EFNA5: variants seen among roughly 807,000 people sequenced by gnomAD.
EFNA5 encodes ephrin-A5.
In EFNA5, 5 loss-of-function variants were observed where a neutral mutation model predicts 22.9. The ratio of observed to expected loss-of-function variants is 0.22; its 90% CI spans 0.11 to 0.46. The LOEUF (loss-of-function observed/expected upper bound fraction) is 0.46. EFNA5 is among the 20% of genes least tolerant of loss of function. The pLI is 0.99. For synonymous variants in EFNA5, 113 were observed against 112.2 expected (o/e 1.01, Z -0.04); for missense variants, 237 against 293.3 (o/e 0.81, Z 1.40).
intron 1 of EFNA5, among the ~76,000 whole-genome samples, chr5:107,448,866 T>TAAATAAAATAAAATAAAATA (rs74535160): frequency 2.1e-5 from 3 of 141,376 alleles, no homozygotes; most frequent in African/African-American, 8.0e-5. Flanking sequence ...AATAAATAAA[T>TAAATAAAATAAAATAAAATA]AAATAAAATA....
At chr5:107,475,608 A>G (rs2112391019) in intron 1 of EFNA5, among the ~76,000 whole-genome samples, 1 of 152,292 alleles carries the variant, frequency 6.6e-6, no homozygotes, top group Non-Finnish European at 1.5e-5. Context: ...AATCTGCTGC[A>G]TTGCTAAAGG....
At chr5:107,499,026 C>T (rs1747065397) in intron 1 of EFNA5, among the ~76,000 whole-genome samples, 1 of 151,404 alleles carries the variant, frequency 6.6e-6, no homozygotes, top group African/African-American at 2.4e-5. Context: ...ATTTCTTTTA[C>T]TGTGAGATTT....
chr5:107,537,260 G>A (rs1040925673), intron 1 of EFNA5, among the ~76,000 whole-genome samples: 28 of 152,032 alleles, frequency 1.8e-4, no homozygotes, highest in African/African-American at 6.0e-4. Context: ...TTGGGAGGCC[G>A]AGGTGGGTGG....
intron 1 of EFNA5, among the ~76,000 whole-genome samples, chr5:107,532,310 A>T (rs189542048): frequency 6.6e-6 from 1 of 152,368 alleles, no homozygotes; most frequent in Admixed American, 6.5e-5. Flanking sequence ...AGGTAAAGTC[A>T]GTCTGGCCCT....
intron 1 of EFNA5, among the ~76,000 whole-genome samples, chr5:107,633,398 A>T (rs115856987): frequency 0.021 from 3,166 of 152,298 alleles, 40 homozygotes; most frequent in Middle Eastern, 0.031. Context: ...TCCTGACAAG[A>T]TGCCAAGTAA....
At chr5:107,536,291 C>A (rs926615938) in intron 1 of EFNA5, among the ~76,000 whole-genome samples, 1 of 151,874 alleles carries the variant, frequency 6.6e-6, no homozygotes, top group African/African-American at 2.4e-5. Context: ...ACAGGCCGAC[C>A]CTCTACACAG....
At chr5:107,641,341 G>C (rs1431343406) in intron 1 of EFNA5, among the ~76,000 whole-genome samples, 1 of 136,766 alleles carries the variant, frequency 7.3e-6, no homozygotes, top group African/African-American at 2.7e-5. Flanking sequence ...CTGGGCAACA[G>C]AGTGAGACTC....
chr5:107,554,448 T>C lies in EFNA5; in HGVS notation c.125+116041A>G, dbSNP rs536501467. Reference sequence around the variant, plus strand: ...TGGTGATTCTTCTATGACACTGATATGGGAAAAATTAATATTTGCATAATA... The same window carrying C: ...TGGTGATTCTTCTATGACACTGATACGGGAAAAATTAATATTTGCATAATA... On this transcript the variant is annotated intron_variant, in intron 1 of 4. Transcript: ENST00000333274. 2.0e-4 allele frequency among the ~76,000 whole-genome samples: 30 copies of C among 152,284 alleles called. 1 individual carries two copies. In the South Asian group the frequency reaches 4.4e-3, roughly 22 times the overall value.
chr5:107,661,180 A>C, intron 1 of EFNA5, among the ~76,000 whole-genome samples: 1 of 151,972 alleles, frequency 6.6e-6, no homozygotes, highest in East Asian at 1.9e-4. Flanking sequence ...GCAGGCAAAC[A>C]CTTTGCTGCA....
At chr5:107,636,772 G>A (rs1008492121) in intron 1 of EFNA5, among the ~76,000 whole-genome samples, 2 of 152,176 alleles carry the variant, frequency 1.3e-5, no homozygotes, top group Admixed American at 6.5e-5. Flanking sequence ...AAGGGAAAGA[G>A]TGAAACATGG....
chr5:107,568,254 C>T (rs914080241), intron 1 of EFNA5, among the ~76,000 whole-genome samples: 7 of 152,070 alleles, frequency 4.6e-5, no homozygotes, highest in East Asian at 1.9e-4. Context: ...CATATATACC[C>T]CGTAGCTATC....
intron 1 of EFNA5, among the ~76,000 whole-genome samples, chr5:107,475,321 AC>A (rs1439278282): frequency 6.6e-6 from 1 of 152,198 alleles, no homozygotes; most frequent in African/African-American, 2.4e-5. Context: ...CTTCACACTT[AC>A]CCAGCTATCA....
chr5:107,453,317 G>A (rs568627517), intron 1 of EFNA5, among the ~76,000 whole-genome samples: 6 of 152,036 alleles, frequency 3.9e-5, no homozygotes, highest in Non-Finnish European at 7.4e-5. Context: ...ATGACCACCA[G>A]AATAATATAA....
At chr5:107,560,755 G>T (rs568899093) in intron 1 of EFNA5, among the ~76,000 whole-genome samples, 2 of 152,222 alleles carry the variant, frequency 1.3e-5, no homozygotes, top group East Asian at 1.9e-4. Flanking sequence ...CCTCCATATC[G>T]TACTGCAGGG....
chr5:107,437,594 G>T (rs1003671545), intron 1 of EFNA5, among the ~76,000 whole-genome samples: 1 of 152,096 alleles, frequency 6.6e-6, no homozygotes, highest in Non-Finnish European at 1.5e-5. Flanking sequence ...TATTTTTTAC[G>T]TATAGATCTC....
chr5:107,479,917 A>G (rs1750411428), intron 1 of EFNA5, among the ~76,000 whole-genome samples: 1 of 152,196 alleles, frequency 6.6e-6, no homozygotes, highest in South Asian at 2.1e-4. Flanking sequence ...GTATATTTTA[A>G]AAAACTAAAA....
chr5:107,628,047 A>C (rs1750177308), intron 1 of EFNA5, among the ~76,000 whole-genome samples: 1 of 152,222 alleles, frequency 6.6e-6, no homozygotes, highest in Non-Finnish European at 1.5e-5. Flanking sequence ...ACTGCATGCC[A>C]TGTACAGTAC....
chr5:107,522,121 T>C (rs1398986950), intron 1 of EFNA5, among the ~76,000 whole-genome samples: 1 of 152,228 alleles, frequency 6.6e-6, no homozygotes, highest in African/African-American at 2.4e-5. Context: ...ATTTCTGTTA[T>C]CTGAACACTA....
At chr5:107,523,738 C>A (rs1381823868) in intron 1 of EFNA5, among the ~76,000 whole-genome samples, 9 of 152,196 alleles carry the variant, frequency 5.9e-5, no homozygotes, top group Admixed American at 5.9e-4. Flanking sequence ...TGAAATAAAT[C>A]CCTTTGTAAT....
Sources: allele counts gnomAD v4.1 joint callset (sites outside exome capture counted in the v4.1 genomes callset), GRCh38; gene constraint gnomAD v4.1.1; transcripts MANE v1.5; gene names NCBI Gene and HGNC (gene_info 2026-07-23, HGNC 2026-07-21).